Variants in ZBBX observed in about 807,000 individuals in gnomAD.
The protein encoded by ZBBX is zinc finger B-box domain-containing protein 1.
ZBBX carries 101 observed loss-of-function variants against 108.5 expected under a neutral mutation model. The observed-to-expected ratio is 0.93, with a 90% confidence interval of 0.79 to 1.10. The LOEUF (loss-of-function observed/expected upper bound fraction) is 1.10. ZBBX is among the 50% of genes least tolerant of loss of function. The pLI is 0.00. For synonymous variants in ZBBX, 356 were observed against 323.4 expected, an observed-to-expected ratio of 1.10 and a Z score of -1.08; for missense variants, 1,009 against 941.4, an observed-to-expected ratio of 1.07 and a Z score of -0.94.
At position 167,322,098 on chromosome 3, in the gene ZBBX, T is replaced by A; in HGVS notation, c.983+19A>T. On this transcript the variant is annotated intron_variant, in intron 12 of 21. Coordinates refer to ENST00000675490, the MANE Select transcript of ZBBX (RefSeq NM_001199201.2). ...ATAACTTTCATATTTCCTAATAGTA[T>A]TATAATTTCAGAAAATACCTCCTGT... 8.3e-7 allele frequency: 1 copy of A among 1,203,612 alleles called. No homozygotes were observed. The highest frequency in any genetic ancestry group is 2.8e-5 in the East Asian group (1 of 35,516). 74.6% of individuals were successfully genotyped at this position (1,203,612 alleles called of 1,614,324 possible).
At chr3:167,353,881 A>G (rs1743079692) in intron 8 of ZBBX, among the ~76,000 whole-genome samples, 1 of 151,980 alleles carries the variant, frequency 6.6e-6, no homozygotes, top group African/African-American at 2.4e-5. Context: ...ACCCTTAACC[A>G]CAACAAACAT....
At chr3:167,386,425 C>T (rs1038200490) in intron 1 of ZBBX, among the ~76,000 whole-genome samples, 2 of 152,008 alleles carry the variant, frequency 1.3e-5, no homozygotes, top group African/African-American at 4.8e-5. Flanking sequence ...TAAGGAAACT[C>T]CAAAGTATAG....
At chr3:167,353,783 A>G (rs1488372393) in intron 8 of ZBBX, among the ~76,000 whole-genome samples, 4 of 152,062 alleles carry the variant, frequency 2.6e-5, no homozygotes, top group Non-Finnish European at 5.9e-5. Context: ...TAACAAAAGA[A>G]CATAATGATG....
chr3:167,230,332 A>T, the ZBBX span, among the ~76,000 whole-genome samples: 1 of 151,956 alleles, frequency 6.6e-6, no homozygotes, highest in Admixed American at 6.6e-5. Context: ...TCTCTGTGCC[A>T]AACACCCACT....
intron 20 of ZBBX, among the ~76,000 whole-genome samples, chr3:167,244,274 G>A (rs1159382466): frequency 1.3e-5 from 2 of 151,930 alleles, no homozygotes; most frequent in Non-Finnish European, 2.9e-5. Context: ...CTATTTTTCC[G>A]TATGGTAAAA....
At position 167,305,736 on chromosome 3, in the gene ZBBX, C is replaced by A. The variant is rs559365633; in HGVS notation, c.1632G>T (p.Glu544Asp). The change falls in exon 17 of 22, where the codon GAG becomes GAT. Residue 544 changes from glutamate (E) to aspartate (D), a missense_variant. Transcript: ENST00000675490. ...GRDLEKAPIE[E>D]KLSQDIKESL... The stretch of plus-strand genomic sequence containing the variant: ...ATTCTTTGATGTCTTGAGATAATTT[C>A]TCCTCAATGGGAGCTTTTTCTAAAT... 3.1e-6 allele frequency: 5 copies of A among 1,612,156 alleles called. No homozygotes were observed. The Admixed American group carries it at 8.4e-5, about 27-fold the overall frequency.
At chr3:167,258,664 C>T (rs1369649888) in intron 20 of ZBBX, among the ~76,000 whole-genome samples, 5 of 151,854 alleles carry the variant, frequency 3.3e-5, no homozygotes, top group African/African-American at 9.7e-5. Flanking sequence ...CTGATTTTGC[C>T]GAGAGTTTTA....
At chr3:167,289,034 CATTTT>C in intron 18 of ZBBX, 51 bp from the exon 19 acceptor site, 1 of 1,335,876 alleles carries the variant, frequency 7.5e-7, no homozygotes, top group Non-Finnish European at 1.0e-6. Context: ...GAAGAAAATC[CATTTT>C]ATTAGTTTTA....
chr3:167,297,516 A>C (rs1486136777), intron 18 of ZBBX, among the ~76,000 whole-genome samples: 1 of 152,032 alleles, frequency 6.6e-6, no homozygotes, highest in Non-Finnish European at 1.5e-5. Context: ...AAGAGCAGCC[A>C]CAAAAGTAGA....
chr3:167,322,293 T>C (rs1391585560), intron 11 of ZBBX, 56 bp from the exon 12 acceptor site: 2 of 1,357,040 alleles, frequency 1.5e-6, no homozygotes, highest in African/African-American at 1.5e-5. Context: ...CAAATTACTA[T>C]ATCTTCTCTT....
At chr3:167,192,805 T>G in the ZBBX span, among the ~76,000 whole-genome samples, 45 of 152,342 alleles carry the variant, frequency 3.0e-4, 1 homozygote, top group African/African-American at 1.1e-3. Context: ...GCTTTAAGAT[T>G]TTTCTTTGAT....
chr3:167,259,488 T>C (rs1247337838), intron 20 of ZBBX, among the ~76,000 whole-genome samples: 1 of 152,220 alleles, frequency 6.6e-6, no homozygotes, highest in Non-Finnish European at 1.5e-5. Context: ...TCTGCTCTGA[T>C]CTTGGTTATT....
chr3:167,237,517 T>C (rs879276642), downstream of ZBBX, among the ~76,000 whole-genome samples: 28 of 151,904 alleles, frequency 1.8e-4, no homozygotes, highest in Non-Finnish European at 2.8e-4. Flanking sequence ...CTCAGTTCCA[T>C]AGTTAGAACC....
At position 167,298,426 on chromosome 3, in the gene ZBBX, A is replaced by T; in HGVS notation, c.1758T>A (p.Pro586=). The change falls in exon 18 of 22, where the codon CCT becomes CCA. Residue 586 remains proline (P), a synonymous_variant. Coordinates refer to ENST00000675490, the MANE Select transcript of ZBBX (RefSeq NM_001199201.2). ...LLQEIACRSK[P]ITKQYQGLER... ...CAAGTCCTTGATATTGTTTTGTTAT[A>T]GGCTTACTTCTGCAGGCTATTTCTT... 1.9e-6 allele frequency: 3 copies of T among 1,547,592 alleles called. No homozygotes were observed. Among genetic ancestry groups the T allele is most frequent in the Non-Finnish European group, 2.6e-6 (3 of 1,140,100 alleles).
intron 20 of ZBBX, among the ~76,000 whole-genome samples, chr3:167,273,347 A>G (rs1726879065): frequency 6.6e-6 from 1 of 152,164 alleles, no homozygotes; most frequent in Admixed American, 6.5e-5. Flanking sequence ...CTTTCCACTC[A>G]GATGGTCTCC....
chr3:167,360,029 TTTTCC>T, intron 7 of ZBBX, 50 bp from the exon 8 acceptor site: 1 of 1,115,010 alleles, frequency 9.0e-7, no homozygotes, highest in Non-Finnish European at 1.3e-6. Flanking sequence ...ATATGTTAAA[TTTTCC>T]AATTGATAAA....
chr3:167,214,958 T>C, the ZBBX span, among the ~76,000 whole-genome samples: 1 of 151,928 alleles, frequency 6.6e-6, no homozygotes, highest in Non-Finnish European at 1.5e-5. Context: ...AAAAATACAT[T>C]TCAAAATCTC....
chr3:167,295,528 G>T (rs923668019), intron 18 of ZBBX, among the ~76,000 whole-genome samples: 1 of 151,030 alleles, frequency 6.6e-6, no homozygotes, highest in Non-Finnish European at 1.5e-5. Context: ...GGGCCTGTTG[G>T]GGGGTGGTGG....
chr3:167,222,916 A>G, the ZBBX span, among the ~76,000 whole-genome samples: 1 of 151,928 alleles, frequency 6.6e-6, no homozygotes. Context: ...TGTGTCGTAT[A>G]TTTCAAAATA....
Sources: allele counts gnomAD v4.1 joint callset (sites outside exome capture counted in the v4.1 genomes callset), GRCh38; gene constraint gnomAD v4.1.1; transcripts MANE v1.5; gene names NCBI Gene and HGNC (gene_info 2026-07-23, HGNC 2026-07-21).